Variants in CDH4 observed in about 807,000 individuals in gnomAD.
The protein encoded by CDH4 is cadherin-4.
In CDH4, 33 loss-of-function variants were observed where a neutral mutation model predicts 86.0. The ratio of observed to expected loss-of-function variants is 0.38; its 90% CI spans 0.29 to 0.51. The LOEUF (loss-of-function observed/expected upper bound fraction) is 0.51. Among genes scored for constraint, CDH4 ranks in the 20% least tolerant of loss-of-function variants. The pLI, the probability that CDH4 is intolerant of heterozygous loss-of-function variation, is 0.86. For synonymous variants in CDH4, 555 were observed against 549.4 expected (o/e 1.01, Z -0.14); for missense variants, 1,114 against 1,307.4 (o/e 0.85, Z 2.28).
intron 15 of CDH4, among the ~76,000 whole-genome samples, chr20:61,935,781 G>A (rs1311427778): frequency 1.3e-5 from 2 of 152,238 alleles, no homozygotes; most frequent in Non-Finnish European, 2.9e-5. Flanking sequence ...CACTACTTGG[G>A]AGGCTGAGAC....
intron 2 of CDH4, among the ~76,000 whole-genome samples, chr20:61,488,726 A>G (rs1248111113): frequency 2.6e-5 from 4 of 152,128 alleles, no homozygotes; most frequent in Admixed American, 6.5e-5. Context: ...TGCTTTTGAT[A>G]ATGTTTTTAG....
chr20:61,755,837 C>G (rs755979625), intron 3 of CDH4, among the ~76,000 whole-genome samples: 1 of 152,184 alleles, frequency 6.6e-6, no homozygotes, highest in East Asian at 1.9e-4. Flanking sequence ...TACACACGTG[C>G]GGCTACATGA....
intron 2 of CDH4, among the ~76,000 whole-genome samples, chr20:61,467,750 C>T (rs1469890081): frequency 6.6e-6 from 1 of 152,176 alleles, no homozygotes; most frequent in Non-Finnish European, 1.5e-5. Flanking sequence ...AGGTGGACAA[C>T]TACAAAGTTA....
At chr20:61,685,680 T>C (rs2087565947) in intron 2 of CDH4, among the ~76,000 whole-genome samples, 2 of 152,172 alleles carry the variant, frequency 1.3e-5, no homozygotes, top group African/African-American at 2.4e-5. Context: ...TTGCACAGAG[T>C]GAGACTGTCC....
At chr20:61,309,809 A>G (rs896686677) in intron 2 of CDH4, among the ~76,000 whole-genome samples, 2 of 152,110 alleles carry the variant, frequency 1.3e-5, no homozygotes, top group African/African-American at 2.4e-5. Flanking sequence ...TGAACTAAGC[A>G]ATGTTTCAGA....
intron 2 of CDH4, among the ~76,000 whole-genome samples, chr20:61,573,030 T>TTGGATGGTTGGACGGA (rs1555810028): frequency 7.1e-6 from 1 of 140,340 alleles, no homozygotes; most frequent in Admixed American, 7.0e-5. Flanking sequence ...GGATGGATGG[T>TTGGATGGTTGGACGGA]TGGATGGATG....
intron 2 of CDH4, among the ~76,000 whole-genome samples, chr20:61,565,265 G>GGTGGCGGTGCTCTTGGTGGTGGTGGTA (rs2086275102): frequency 4.6e-5 from 1 of 21,742 alleles, no homozygotes; most frequent in Non-Finnish European, 7.5e-5. Flanking sequence ...TGATGGTGGT[G>GGTGGCGGTGCTCTTGGTGGTGGTGGTA]GTGGTCCTCT....
At position 61,937,690 on chromosome 20, in the gene CDH4, C is replaced by G. The variant is rs908432478; in HGVS notation, c.*747C>G. ...GCTCAGGCAGGGGCCTGGAGGGGAA[C>G]AGGGGTCATCCTGAAGGGGCTCCAC... On this transcript the variant is annotated 3_prime_UTR_variant, in exon 16 of 16. Coordinates refer to ENST00000614565, the MANE Select transcript of CDH4 (RefSeq NM_001794.5). The G allele has an allele frequency of 4.6e-5, 7 of 152,208 alleles. No individual in the cohort carries two copies. The highest frequency in any genetic ancestry group is 5.9e-5 in the Non-Finnish European group (4 of 68,126). The allele number at this position is 152,208 out of a possible 1,614,324, so 9.4% of individuals were successfully genotyped here. A position where few individuals can be genotyped will look rare whatever the true frequency, so the allele number is the denominator to read the frequency against.
At chr20:61,656,308 CGTGCTGAA>C in intron 2 of CDH4, among the ~76,000 whole-genome samples, 1 of 96,716 alleles carries the variant, frequency 1.0e-5, no homozygotes, top group Non-Finnish European at 1.9e-5. Context: ...TGGGTAGGCA[CGTGCTGAA>C]GTGGGCAGGC....
chr20:61,842,501 G>A (rs890874249), intron 4 of CDH4, among the ~76,000 whole-genome samples: 1 of 152,096 alleles, frequency 6.6e-6, no homozygotes, highest in Non-Finnish European at 1.5e-5. Context: ...GAAGTCATAC[G>A]GTATCTCCAG....
chr20:61,310,282 C>T (rs1017544212), intron 2 of CDH4, among the ~76,000 whole-genome samples: 1 of 152,172 alleles, frequency 6.6e-6, no homozygotes, highest in Admixed American at 6.5e-5. Context: ...TCCTACTCAG[C>T]TCATGCTGCC....
At chr20:61,608,499 T>C (rs1330731223) in intron 2 of CDH4, among the ~76,000 whole-genome samples, 1 of 152,232 alleles carries the variant, frequency 6.6e-6, no homozygotes, top group African/African-American at 2.4e-5. Context: ...TCTCCAGGTC[T>C]CATGCGTGGT....
At chr20:61,616,808 G>A (rs1257613102) in intron 2 of CDH4, among the ~76,000 whole-genome samples, 1 of 152,180 alleles carries the variant, frequency 6.6e-6, no homozygotes, top group African/African-American at 2.4e-5. Flanking sequence ...ACTCTGCAGG[G>A]ACGCAGGCCA....
chr20:61,376,550 C>T (rs1037488314), intron 2 of CDH4, among the ~76,000 whole-genome samples: 3 of 152,098 alleles, frequency 2.0e-5, no homozygotes, highest in African/African-American at 7.2e-5. Context: ...GGGCTTGGGA[C>T]ATTCTGATGC....
rs1023469525 is a variant in CDH4 at position 61,623,529 on chromosome 20, A to T, written c.170-120034A>T. On this transcript the variant is annotated intron_variant, in intron 2 of 15. Coordinates refer to ENST00000614565, the MANE Select transcript of CDH4 (RefSeq NM_001794.5). The surrounding 1 kb of genome is among the most constrained non-coding windows in gnomAD (Gnocchi z 4.4). ...GCAAATTGAATACCTAAAAAAGTAT[A>T]ATTAATCAAACCATATCAAGAGAGC... Among the ~76,000 whole-genome samples, 2 of 152,222 alleles carry T rather than the reference A, an allele frequency of 1.3e-5. No homozygotes were observed. Among genetic ancestry groups the T allele is most frequent in the Admixed American group, 6.5e-5 (1 of 15,288 alleles).
intron 6 of CDH4, among the ~76,000 whole-genome samples, chr20:61,859,907 C>T (rs1983238685): frequency 6.6e-6 from 1 of 152,252 alleles, no homozygotes; most frequent in Admixed American, 6.5e-5. Flanking sequence ...GTACTCAGCC[C>T]CCTCCTCAGC....
chr20:61,905,242 TAAG>T (rs2054776289), intron 8 of CDH4, among the ~76,000 whole-genome samples: 1 of 152,210 alleles, frequency 6.6e-6, no homozygotes, highest in South Asian at 2.1e-4. Flanking sequence ...GGAAGGTTAA[TAAG>T]AAAATTCTAA....
chr20:61,494,075 C>T (rs994336701), intron 2 of CDH4, among the ~76,000 whole-genome samples: 2 of 152,198 alleles, frequency 1.3e-5, no homozygotes, highest in Non-Finnish European at 2.9e-5. Flanking sequence ...GACTGCTGCT[C>T]ATCACACACA....
intron 2 of CDH4, among the ~76,000 whole-genome samples, chr20:61,532,497 C>T (rs988903568): frequency 2.0e-5 from 3 of 152,094 alleles, no homozygotes; most frequent in East Asian, 1.9e-4. Flanking sequence ...TAAAAAGACC[C>T]GCATCTCACC....
Sources: gnomAD v4.1 joint callset for allele counts (sites outside exome capture counted in the v4.1 genomes callset) on GRCh38, gnomAD v4.1.1 for gene constraint, Gnocchi (gnomAD v3.1) non-coding constraint, MANE v1.5 for transcripts, NCBI Gene and HGNC (gene_info 2026-07-23, HGNC 2026-07-21) for gene names.